Variants in PALM2AKAP2 observed in about 807,000 individuals in gnomAD.
PALM2AKAP2 encodes PALM2-AKAP2 fusion protein.
PALM2AKAP2 carries 37 observed loss-of-function variants against 71.5 expected under a neutral mutation model. The ratio of observed to expected loss-of-function variants is 0.52; its 90% CI spans 0.40 to 0.68. The LOEUF is 0.68. Ranked by LOEUF, PALM2AKAP2 falls within the 30% of genes least tolerant of loss-of-function variation. The pLI is 0.00. For missense variants in PALM2AKAP2, 1,224 were observed against 1,191.8 expected, an observed-to-expected ratio of 1.03 and a Z score of -0.40; for synonymous variants, 468 against 478.8, an observed-to-expected ratio of 0.98 and a Z score of 0.29.
intron 1 of PALM2AKAP2, among the ~76,000 whole-genome samples, chr9:109,850,887 C>T (rs1422337019): frequency 6.6e-5 from 10 of 152,094 alleles, no homozygotes. Context: ...ATTAAAACTA[C>T]CTGGTAGTGG....
intron 6 of PALM2AKAP2, among the ~76,000 whole-genome samples, chr9:109,962,952 G>A (rs1391060187): frequency 6.6e-6 from 1 of 152,176 alleles, no homozygotes; most frequent in East Asian, 1.9e-4. Flanking sequence ...ATGAGAAGTA[G>A]CTCTTCAAGG....
chr9:110,070,333 C>T (rs1019423461), intron 1 of PALM2AKAP2, among the ~76,000 whole-genome samples: 2 of 152,210 alleles, frequency 1.3e-5, no homozygotes, highest in African/African-American at 4.8e-5. Context: ...GGGAGATCTT[C>T]TCTTTCTACT....
chr9:110,040,359 T>C (rs1187294601), intron 7 of PALM2AKAP2, among the ~76,000 whole-genome samples: 1 of 152,216 alleles, frequency 6.6e-6, no homozygotes, highest in East Asian at 1.9e-4. Context: ...TATTGTCCCA[T>C]CATCTTCAGT....
chr9:110,078,435 T>G (rs755909143), intron 1 of PALM2AKAP2, among the ~76,000 whole-genome samples: 1 of 152,230 alleles, frequency 6.6e-6, no homozygotes, highest in Non-Finnish European at 1.5e-5. Flanking sequence ...TATGTATTCT[T>G]ATCTATTTTT....
chr9:109,752,788 C>A (rs1828904080), intron 1 of PALM2AKAP2, among the ~76,000 whole-genome samples: 1 of 152,096 alleles, frequency 6.6e-6, no homozygotes, highest in Non-Finnish European at 1.5e-5. Flanking sequence ...TGCGATGCAA[C>A]AGATGGACTG....
intron 1 of PALM2AKAP2, among the ~76,000 whole-genome samples, chr9:109,782,449 T>C (rs1301834320): frequency 6.6e-6 from 1 of 152,162 alleles, no homozygotes; most frequent in Non-Finnish European, 1.5e-5. Flanking sequence ...AATAGATAGC[T>C]GAGTCTGTAC....
intron 1 of PALM2AKAP2, among the ~76,000 whole-genome samples, chr9:109,713,119 C>T (rs1248742137): frequency 2.0e-5 from 3 of 152,180 alleles, no homozygotes; most frequent in Non-Finnish European, 4.4e-5. Flanking sequence ...TCACCTGGGC[C>T]ATTGTGGAGT....
At chr9:109,726,018 A>G (rs1311244327) in intron 1 of PALM2AKAP2, among the ~76,000 whole-genome samples, 4 of 152,276 alleles carry the variant, frequency 2.6e-5, no homozygotes, top group South Asian at 4.1e-4. Flanking sequence ...TTTCAATTCT[A>G]TAGCTCTGCC....
chr9:109,663,905 G>A (rs894674498), intron 1 of PALM2AKAP2, among the ~76,000 whole-genome samples: 1 of 152,032 alleles, frequency 6.6e-6, no homozygotes, highest in Non-Finnish European at 1.5e-5. Context: ...GGATAGTTAG[G>A]TCTTCTTGTT....
intron 6 of PALM2AKAP2, among the ~76,000 whole-genome samples, chr9:110,006,342 C>CTTTCTTTCTTTCTT (rs1564256291): frequency 3.1e-5 from 4 of 129,438 alleles, no homozygotes; most frequent in Non-Finnish European, 1.6e-5. Context: ...TTCTTTCTTT[C>CTTTCTTTCTTTCTT]TTTCTTTCTT....
In PALM2AKAP2 at chr9:110,168,343, T is replaced by C. The variant is rs1587886741; in HGVS notation, c.2749-56T>C. 3.8e-6 allele frequency: 6 copies of C among 1,578,680 alleles called. No homozygotes were observed. In the East Asian group the frequency reaches 1.1e-4, roughly 30 times the overall value. On this transcript the variant is annotated intron_variant, in intron 3 of 3. Coordinates refer to ENST00000374525, the Ensembl canonical transcript of PALM2AKAP2. Reference sequence around the variant, plus strand: ...GAAGAAAGAAACAGAGAAGTCGGTTTATGTTCATAATTAACATCCATGAAC... The same window carrying C: ...GAAGAAAGAAACAGAGAAGTCGGTTCATGTTCATAATTAACATCCATGAAC...
At chr9:109,741,612 C>T (rs1828716716) in intron 1 of PALM2AKAP2, among the ~76,000 whole-genome samples, 1 of 152,256 alleles carries the variant, frequency 6.6e-6, no homozygotes, top group Non-Finnish European at 1.5e-5. Flanking sequence ...CACATGTTCA[C>T]TGACATTTGG....
chr9:110,161,106 AC>A (rs1370627554), intron 3 of PALM2AKAP2, among the ~76,000 whole-genome samples: 1 of 152,122 alleles, frequency 6.6e-6, no homozygotes, highest in Admixed American at 6.5e-5. Flanking sequence ...ACTCTCTCTT[AC>A]GTTCTCACTC....
intron 1 of PALM2AKAP2, among the ~76,000 whole-genome samples, chr9:110,059,813 G>A (rs913673056): frequency 6.6e-6 from 1 of 152,154 alleles, no homozygotes; most frequent in African/African-American, 2.4e-5. Flanking sequence ...GGAGCTATGG[G>A]GAATGACTAG....
At chr9:109,818,098 C>T (rs1163200772) in intron 1 of PALM2AKAP2, among the ~76,000 whole-genome samples, 1 of 152,098 alleles carries the variant, frequency 6.6e-6, no homozygotes, top group Non-Finnish European at 1.5e-5. Flanking sequence ...TGTGTTCAAC[C>T]CCGCACATAT....
At chr9:109,915,432 C>G (rs1409749039) in intron 3 of PALM2AKAP2, among the ~76,000 whole-genome samples, 1 of 152,150 alleles carries the variant, frequency 6.6e-6, no homozygotes, top group Non-Finnish European at 1.5e-5. Flanking sequence ...AATGTGCATT[C>G]TTTAGGGAAT....
chr9:109,830,040 A>G (rs1423081108), intron 1 of PALM2AKAP2, among the ~76,000 whole-genome samples: 1 of 152,072 alleles, frequency 6.6e-6, no homozygotes, highest in East Asian at 1.9e-4. Context: ...TCTGTTTATG[A>G]TTTTAGTCTT....
At chr9:109,995,359 CT>C (rs1832553763) in intron 6 of PALM2AKAP2, among the ~76,000 whole-genome samples, 1 of 152,222 alleles carries the variant, frequency 6.6e-6, no homozygotes, top group Non-Finnish European at 1.5e-5. Context: ...GTCTTTCCAT[CT>C]TAATCTTTCC....
intron 3 of PALM2AKAP2, among the ~76,000 whole-genome samples, chr9:109,912,575 G>C (rs1048962901): frequency 2.6e-5 from 4 of 152,196 alleles, no homozygotes; most frequent in South Asian, 2.1e-4. Flanking sequence ...TTCCTGAAAT[G>C]TGGAAAATGA....
Sources: allele counts gnomAD v4.1 joint callset (sites outside exome capture counted in the v4.1 genomes callset), GRCh38; gene constraint gnomAD v4.1.1; transcripts MANE v1.5; gene names NCBI Gene and HGNC (gene_info 2026-07-23, HGNC 2026-07-21).